Variants in ANKRD44 observed in about 807,000 individuals in gnomAD.
The protein encoded by ANKRD44 is serine/threonine-protein phosphatase 6 regulatory ankyrin repeat subunit B.
A neutral mutation model predicts 116.0 loss-of-function variants in ANKRD44; 35 were observed. The observed-to-expected ratio is 0.30, with a 90% CI of 0.23 to 0.40. The LOEUF is 0.40. Ranked by LOEUF, ANKRD44 falls within the 10% of genes least tolerant of loss-of-function variation. The pLI is 1.00. For synonymous variants in ANKRD44, 435 were observed against 461.8 expected (o/e 0.94, Z 0.74); for missense variants, 1,014 against 1,242.6 (o/e 0.82, Z 2.77).
chr2:197,286,503 T>C (rs2083411778), intron 1 of ANKRD44, among the ~76,000 whole-genome samples: 1 of 151,906 alleles, frequency 6.6e-6, no homozygotes, highest in South Asian at 2.1e-4. Flanking sequence ...GCCTCCCCAG[T>C]AGCTAGGACT....
intron 1 of ANKRD44, among the ~76,000 whole-genome samples, chr2:197,294,665 G>T (rs1033360633): frequency 6.6e-6 from 1 of 152,116 alleles, no homozygotes; most frequent in Non-Finnish European, 1.5e-5. Flanking sequence ...GAACCTTCTA[G>T]AATAATGAGC....
In ANKRD44 at chr2:197,023,580, AAAG is replaced by A. The variant is rs374067050; in HGVS notation, c.1722+1613_1722+1615del. Among the ~76,000 whole-genome samples, 676 of 152,316 alleles carry A rather than the reference AAAG, an allele frequency of 4.4e-3. 6 individuals are homozygous for A. Among genetic ancestry groups the A allele is most frequent in the African/African-American group, 0.016 (652 of 41,574 alleles). ...TCAACAAATACACTGTGGAAAAAAA[AAAG>A]AAGAACGAGAGATGATCAAGTCTTT... On this transcript the variant is annotated intron_variant, in intron 17 of 27. Transcript: ENST00000282272.
In ANKRD44 at chr2:197,091,750, A is replaced by C. The variant is rs142234141; in HGVS notation, c.1101-1718T>G. ...GAGTTAATAATGGCTATATTGTTGA[A>C]AATAAAGTTTTGGATAAGAATAAAA... On this transcript the variant is annotated intron_variant, in intron 10 of 27. Transcript: ENST00000282272. Among the ~76,000 whole-genome samples the C allele has an allele frequency of 1.2e-3, 187 of 152,328 alleles. 1 individual carries two copies. The highest frequency in any genetic ancestry group is 4.4e-3 in the African/African-American group (184 of 41,574).
chr2:197,162,842 C>G (rs905933730), intron 2 of ANKRD44, among the ~76,000 whole-genome samples: 3 of 152,210 alleles, frequency 2.0e-5, no homozygotes, highest in Admixed American at 6.5e-5. Context: ...ATCTGGCATA[C>G]AGTCAGTGCT....
At chr2:196,967,328 C>G in exon 22 of ANKRD44, 1 of 407,448 alleles carries the variant, frequency 2.5e-6, no homozygotes, top group South Asian at 1.8e-5. Flanking sequence ...GCAGCTCCTG[C>G]AGAGTGTAAC....
chr2:197,159,273 G>A (rs569821230), intron 2 of ANKRD44, among the ~76,000 whole-genome samples: 4 of 152,214 alleles, frequency 2.6e-5, no homozygotes, highest in East Asian at 3.9e-4. Flanking sequence ...TAGAAACAGA[G>A]CTTATGTGTA....
chr2:197,003,031 G>T (rs1212767652), intron 21 of ANKRD44, among the ~76,000 whole-genome samples: 1 of 152,156 alleles, frequency 6.6e-6, no homozygotes, highest in East Asian at 1.9e-4. Flanking sequence ...CAGTGGCTGG[G>T]CATGGTGGCT....
chr2:197,105,751 G>A (rs1303722311), intron 9 of ANKRD44, among the ~76,000 whole-genome samples: 2 of 152,156 alleles, frequency 1.3e-5, no homozygotes, highest in Non-Finnish European at 2.9e-5. Flanking sequence ...ATGACTTGAT[G>A]GTAGCTTTGG....
chr2:197,258,066 C>A (rs2082498221), intron 1 of ANKRD44, among the ~76,000 whole-genome samples: 1 of 151,666 alleles, frequency 6.6e-6, no homozygotes, highest in Admixed American at 6.6e-5. Context: ...TGTCAGAATT[C>A]CCTTCCTTTT....
At chr2:197,025,322 G>A in intron 16 of ANKRD44, 55 bp from the exon 17 acceptor site, 3 of 1,461,790 alleles carry the variant, frequency 2.1e-6, no homozygotes, top group South Asian at 2.4e-5. Flanking sequence ...GCAAAATGTT[G>A]GTGTAAATGA....
chr2:197,275,554 C>T (rs994002090), intron 1 of ANKRD44, among the ~76,000 whole-genome samples: 2 of 151,680 alleles, frequency 1.3e-5, no homozygotes, highest in African/African-American at 4.9e-5. Context: ...CAAATATGTA[C>T]AGAGCACCAT....
chr2:197,036,528 T>C (rs955176181), intron 16 of ANKRD44, among the ~76,000 whole-genome samples: 12 of 152,174 alleles, frequency 7.9e-5, no homozygotes, highest in Admixed American at 7.2e-4. Context: ...GTGCTGGGAT[T>C]ATAGGCGGTC....
At chr2:197,061,783 C>T (rs1280377038) in intron 16 of ANKRD44, among the ~76,000 whole-genome samples, 22 of 143,766 alleles carry the variant, frequency 1.5e-4, no homozygotes, top group African/African-American at 5.1e-4. Context: ...ATATCCATGC[C>T]TTTTTTTTTT....
intron 16 of ANKRD44, among the ~76,000 whole-genome samples, chr2:197,028,372 G>A (rs1020576886): frequency 2.0e-5 from 3 of 152,154 alleles, no homozygotes; most frequent in Admixed American, 1.3e-4. Flanking sequence ...ACAGGCACAA[G>A]TCACCACGCC....
intron 16 of ANKRD44, among the ~76,000 whole-genome samples, chr2:197,064,974 C>G (rs1300971401): frequency 6.6e-6 from 1 of 152,218 alleles, no homozygotes; most frequent in Admixed American, 6.5e-5. Context: ...CTACAGAACT[C>G]TCCACCCCAA....
At chr2:197,027,680 ATTTT>A (rs34502554) in intron 16 of ANKRD44, among the ~76,000 whole-genome samples, 16 of 125,878 alleles carry the variant, frequency 1.3e-4, no homozygotes, top group Non-Finnish European at 1.5e-4. Flanking sequence ...ATGCCTGAGA[ATTTT>A]TTTTTTTTTT....
chr2:197,072,099 G>A (rs1559039839), intron 16 of ANKRD44, among the ~76,000 whole-genome samples: 1 of 146,192 alleles, frequency 6.8e-6, no homozygotes, highest in Non-Finnish European at 1.5e-5. Context: ...AGGAAGGAAG[G>A]AAAAGGAAGA....
rs1383694545 is a variant in ANKRD44 at position 197,136,594 on chromosome 2, C to T, written c.259G>A (p.Glu87Lys). The T allele has an allele frequency of 1.2e-6, 2 of 1,613,800 alleles. No individual in the cohort carries two copies. The highest frequency in any genetic ancestry group is 1.3e-5 in the African/African-American group (1 of 74,902). The change falls in exon 4 of 28, where the codon GAA (glutamate) becomes AAA (lysine). Residue 87 changes from glutamate (E) to lysine (K), a missense_variant and splice_region_variant. Coordinates refer to ENST00000282272, the MANE Select transcript of ANKRD44 (RefSeq NM_001195144.2). ...GATTAAATATGGTAATCACTCACTTCACTTCTGGAAGCAACAGCCCGGTGC... is the reference window on the plus strand; with the variant it reads ...GATTAAATATGGTAATCACTCACTTTACTTCTGGAAGCAACAGCCCGGTGC... Reference protein sequence around the residue: ...PLHRAVASRSEEAVQVLIKHS... With the variant: ...PLHRAVASRSKEAVQVLIKHS...
In ANKRD44 at chr2:196,968,404, A is replaced by G. The variant is rs189778466; in HGVS notation, c.2369-958T>C. Among the ~76,000 whole-genome samples the G allele has an allele frequency of 1.6e-3, 249 of 152,276 alleles. 2 individuals are homozygous for G. Among genetic ancestry groups the G allele is most frequent in the East Asian group, 5.8e-4 (3 of 5,180 alleles). ...GCATCATCATCATCTTTATTTATTTATTTAACCACAAGTTTGTGACAGTGT... is the reference window on the plus strand; with the variant it reads ...GCATCATCATCATCTTTATTTATTTGTTTAACCACAAGTTTGTGACAGTGT... On this transcript the variant is annotated intron_variant, in intron 21 of 21. Coordinates refer to the ANKRD44 transcript ENST00000424317.
Sources: gnomAD v4.1 joint callset for allele counts (sites outside exome capture counted in the v4.1 genomes callset) on GRCh38, gnomAD v4.1.1 for gene constraint, MANE v1.5 for transcripts, NCBI Gene and HGNC (gene_info 2026-07-23, HGNC 2026-07-21) for gene names.